The following DENND1A variants were observed in gnomAD, a reference collection of about 807,000 sequenced individuals.
The protein encoded by DENND1A is DENN domain-containing protein 1A.
A neutral mutation model predicts 113.7 loss-of-function variants in DENND1A; 51 were observed. The observed-to-expected ratio is 0.45, with a 90% confidence interval of 0.36 to 0.57. DENND1A has a LOEUF of 0.57. Among genes scored for constraint, DENND1A ranks in the 20% least tolerant of loss-of-function variants. The pLI, the probability that DENND1A is intolerant of heterozygous loss-of-function variation, is 0.00. For synonymous variants in DENND1A, 565 were observed against 570.8 expected (o/e 0.99, Z 0.14); for missense variants, 1,258 against 1,395.9 (o/e 0.90, Z 1.57).
At chr9:123,890,664 A>T (rs1849768416) in intron 1 of DENND1A, among the ~76,000 whole-genome samples, 1 of 152,208 alleles carries the variant, frequency 6.6e-6, no homozygotes, top group South Asian at 2.1e-4. Flanking sequence ...CTATGAAAGA[A>T]CTACTATTAC....
At chr9:123,618,728 G>A (rs927129459) in intron 10 of DENND1A, among the ~76,000 whole-genome samples, 3 of 152,180 alleles carry the variant, frequency 2.0e-5, no homozygotes, top group Non-Finnish European at 2.9e-5. Context: ...GGGACACCTT[G>A]TCTTCTTTAA....
intron 20 of DENND1A, 118 bp from the exon 21 acceptor site, chr9:123,403,608 T>C: frequency 1.1e-6 from 1 of 886,590 alleles, no homozygotes; most frequent in South Asian, 1.5e-5. Flanking sequence ...TTTTCAAAGC[T>C]ACAGGCTACA....
intron 13 of DENND1A, among the ~76,000 whole-genome samples, chr9:123,528,425 G>A (rs546806863): frequency 6.6e-6 from 1 of 152,200 alleles, no homozygotes; most frequent in South Asian, 2.1e-4. Flanking sequence ...ATTTATTGCT[G>A]GAGGCTTATG....
rs1476241161 is a variant in DENND1A at position 123,918,401 on chromosome 9, T to C, written c.17+11488A>G. 3.3e-5 allele frequency among the ~76,000 whole-genome samples: 5 copies of C among 150,238 alleles called. No individual in the cohort carries two copies. The South Asian group carries it at 6.3e-4, about 19-fold the overall frequency. Reference sequence around the variant, plus strand: ...TACTCGGGAGGCTGAAGCAGGAGAATGGCGTGAACCCGGGAGGCGGAGCTT... The same window carrying C: ...TACTCGGGAGGCTGAAGCAGGAGAACGGCGTGAACCCGGGAGGCGGAGCTT... On this transcript the variant is annotated intron_variant, in intron 1 of 23. Transcript: ENST00000394215.
At chr9:123,464,972 A>G (rs1192516670) in intron 13 of DENND1A, among the ~76,000 whole-genome samples, 1 of 145,104 alleles carries the variant, frequency 6.9e-6, no homozygotes, top group African/African-American at 2.5e-5. Flanking sequence ...AACATGACAA[A>G]AACCCATTTC....
At chr9:123,506,326 G>A (rs1365121646) in intron 13 of DENND1A, among the ~76,000 whole-genome samples, 1 of 152,180 alleles carries the variant, frequency 6.6e-6, no homozygotes, top group Non-Finnish European at 1.5e-5. Context: ...GCTCACGCCT[G>A]TAATCCCAGA....
At chr9:123,878,243 T>G (rs921804037) in intron 2 of DENND1A, among the ~76,000 whole-genome samples, 1 of 152,090 alleles carries the variant, frequency 6.6e-6, no homozygotes, top group Non-Finnish European at 1.5e-5. Flanking sequence ...CAGGTGTTTT[T>G]GTGGGTGGAC....
At chr9:123,403,377 C>T (rs2043660317) in intron 21 of DENND1A, 25 bp downstream of exon 21, 1 of 1,612,492 alleles carries the variant, frequency 6.2e-7, no homozygotes, top group East Asian at 2.2e-5. Flanking sequence ...TTCTTACAGA[C>T]AGAGGGGAGA....
chr9:123,793,331 T>A (rs1359575207), intron 2 of DENND1A, among the ~76,000 whole-genome samples: 1 of 152,194 alleles, frequency 6.6e-6, no homozygotes, highest in Non-Finnish European at 1.5e-5. Context: ...GGGATCACTT[T>A]ATTCTTAAAT....
intron 1 of DENND1A, among the ~76,000 whole-genome samples, chr9:123,913,419 C>T (rs1188308699): frequency 6.6e-6 from 1 of 151,934 alleles, no homozygotes; most frequent in Non-Finnish European, 1.5e-5. Flanking sequence ...AACAATAGAG[C>T]CAATTTTATA....
intron 1 of DENND1A, among the ~76,000 whole-genome samples, chr9:123,911,254 T>C (rs551878819): frequency 1.7e-4 from 26 of 152,224 alleles, no homozygotes; most frequent in Non-Finnish European, 3.5e-4. Flanking sequence ...TGGCTAATAA[T>C]ATGGCTAAAA....
Position 123,388,942 on chromosome 9 carries a change from G to A in DENND1A, c.1632-1084C>T, listed in dbSNP as rs549285081. ...TGTGGGCTGGCTTGCTCTGAGGCGAGTGAAGTCTGGGGAGAATGTGGGGCA... is the reference window on the plus strand; with the variant it reads ...TGTGGGCTGGCTTGCTCTGAGGCGAATGAAGTCTGGGGAGAATGTGGGGCA... On this transcript the variant is annotated intron_variant, in intron 21 of 23. Transcript: ENST00000394215. Among the ~76,000 whole-genome samples, 20 of 152,368 alleles carry A rather than the reference G, an allele frequency of 1.3e-4. No homozygotes were observed. In the South Asian group the frequency reaches 4.1e-3, roughly 32 times the overall value.
At chr9:123,865,495 T>C (rs1845685630) in intron 2 of DENND1A, among the ~76,000 whole-genome samples, 3 of 152,126 alleles carry the variant, frequency 2.0e-5, no homozygotes, top group Admixed American at 1.3e-4. Context: ...CCCTCCACCA[T>C]GTGTGCAGAA....
chr9:123,874,785 T>C (rs1374402836), intron 2 of DENND1A, among the ~76,000 whole-genome samples: 1 of 152,228 alleles, frequency 6.6e-6, no homozygotes, highest in African/African-American at 2.4e-5. Context: ...CAAGGGCTGA[T>C]GAAGTTGTAG....
intron 19 of DENND1A, among the ~76,000 whole-genome samples, chr9:123,425,865 C>T (rs1427117214): frequency 6.6e-6 from 1 of 152,200 alleles, no homozygotes; most frequent in East Asian, 1.9e-4. Flanking sequence ...ATTTTCTGTT[C>T]AGGTGGAACA....
chr9:123,552,184 T>C (rs181720704), intron 13 of DENND1A, among the ~76,000 whole-genome samples: 1,568 of 151,996 alleles, frequency 0.01, 30 homozygotes, highest in Non-Finnish European at 0.011. Context: ...GACCCCTCCT[T>C]ACAGAGCCAG....
chr9:123,635,576 C>T (rs1415724989), intron 9 of DENND1A, among the ~76,000 whole-genome samples: 1 of 152,182 alleles, frequency 6.6e-6, no homozygotes, highest in East Asian at 1.9e-4. Context: ...TATGCATTTG[C>T]CTTGCTGCTA....
intron 2 of DENND1A, among the ~76,000 whole-genome samples, chr9:123,796,752 T>TACACAC (rs1191964519): frequency 5.6e-5 from 6 of 107,154 alleles, no homozygotes; most frequent in African/African-American, 2.9e-4. Context: ...CTCCTATGTG[T>TACACAC]ACATACACAC....
rs753651903 is a variant in DENND1A, at chr9:123,383,731, A to C, written c.1943T>G (p.Leu648Arg). ...GTCCTCTAAGCTCTTGGCCTGGCCC[A>C]GTGGCTGCAGTGCGGCCTCCATGTC... ...NLDMEAALQP[L>R]GQAKSLEDLR... The change falls in exon 23 of 24, where the codon CTG (leucine) becomes CGG (arginine). Residue 648 changes from leucine (L) to arginine (R), a missense_variant. Around this residue, in one of 2 missense-constraint regions of DENND1A, gnomAD observed 1,159 missense variants for 1,231.7 expected, o/e 0.94. Transcript: ENST00000394215. 3 of 1,614,044 alleles carry C rather than the reference A, an allele frequency of 1.9e-6. No homozygotes were observed. The Admixed American group carries it at 5.0e-5, about 27-fold the overall frequency.
Sources: gnomAD v4.1 joint callset for allele counts (sites outside exome capture counted in the v4.1 genomes callset) on GRCh38, gnomAD v4.1.1 for gene constraint, gnomAD v4.1.1 regional missense constraint, MANE v1.5 for transcripts, NCBI Gene and HGNC (gene_info 2026-07-23, HGNC 2026-07-21) for gene names.